The following TAFA5 variants were observed in gnomAD, a reference collection of about 807,000 sequenced individuals.
TAFA5 encodes the protein TAFA chemokine like family member 5.
A neutral mutation model predicts 15.3 loss-of-function variants in TAFA5; 6 were observed. That is an observed-to-expected ratio of 0.39 (90% confidence interval 0.21 to 0.77). The LOEUF (loss-of-function observed/expected upper bound fraction) is 0.77. Among genes scored for constraint, TAFA5 ranks in the 30% least tolerant of loss-of-function variants. The probability of loss-of-function intolerance (pLI) is 0.41; values close to 1 mark genes in which losing one functional copy is unlikely to be tolerated. For missense variants in TAFA5, 161 were observed against 193.1 expected (o/e 0.83, Z 0.98); for synonymous variants, 103 against 80.7 (o/e 1.28, Z -1.48).
At chr22:48,575,110 G>C (rs1923716927) in intron 1 of TAFA5, among the ~76,000 whole-genome samples, 1 of 152,082 alleles carries the variant, frequency 6.6e-6, no homozygotes, top group South Asian at 2.1e-4. Context: ...GGCCCGGCTG[G>C]GGCGGTACCT....
intron 1 of TAFA5, among the ~76,000 whole-genome samples, chr22:48,585,315 T>TA: frequency 7.1e-6 from 1 of 140,684 alleles, no homozygotes; most frequent in Non-Finnish European, 1.5e-5. Flanking sequence ...CACATACACA[T>TA]ACAAAATATT....
chr22:48,569,213 C>T (rs1019393388), intron 1 of TAFA5, among the ~76,000 whole-genome samples: 14 of 152,162 alleles, frequency 9.2e-5, no homozygotes, highest in African/African-American at 1.4e-4. Flanking sequence ...GGGCAATCTC[C>T]GGGGAGGACG....
At position 48,492,655 on chromosome 22, in the gene TAFA5, G is replaced by A. The variant is rs181072910; in HGVS notation, c.112+2951G>A. Among the ~76,000 whole-genome samples the A allele has an allele frequency of 1.2e-3, 177 of 152,282 alleles. 1 individual carries two copies. The highest frequency in any genetic ancestry group is 4.1e-3 in the African/African-American group (170 of 41,552). ...TCTCCTCCTGGGGAAGAAGTGCCAG[G>A]AGACGCAAACAGGGGAAAGGGGCCC... On this transcript the variant is annotated intron_variant, in intron 1 of 3. Coordinates refer to ENST00000402357, the MANE Select transcript of TAFA5 (RefSeq NM_001082967.3).
chr22:48,733,571 C>T (rs1400989808), intron 3 of TAFA5, among the ~76,000 whole-genome samples: 2 of 152,226 alleles, frequency 1.3e-5, no homozygotes, highest in Non-Finnish European at 2.9e-5. Context: ...GTGAGGTAAG[C>T]AGGTGCTTCA....
rs1930458549 is a variant in TAFA5, at chr22:48,750,551, GCCC to G, written c.*707_*709del. Reference sequence around the variant, plus strand: ...GGCACACCTGCGGGAGGCAGCGACGGCCCCCACGCAGACGCCGGGAACGCAGGC... The same window carrying G: ...GGCACACCTGCGGGAGGCAGCGACGGCCACGCAGACGCCGGGAACGCAGGC... On this transcript the variant is annotated 3_prime_UTR_variant, in exon 4 of 4. Transcript: ENST00000402357. 4 of 152,480 alleles carry G rather than the reference GCCC, an allele frequency of 2.6e-5. No homozygotes were observed. Among genetic ancestry groups the G allele is most frequent in the African/African-American group, 7.2e-5 (3 of 41,452 alleles). 9.4% of individuals were successfully genotyped at this position (152,480 alleles called of 1,614,324 possible). A position where few individuals can be genotyped will look rare whatever the true frequency, so the allele number is the denominator to read the frequency against.
intron 2 of TAFA5, among the ~76,000 whole-genome samples, chr22:48,695,291 G>A (rs56303050): frequency 0.16 from 23,749 of 152,144 alleles, 2,284 homozygotes; most frequent in Non-Finnish European, 0.22. Context: ...ACTCTTCTGG[G>A]TGAGACACTG....
intron 3 of TAFA5, among the ~76,000 whole-genome samples, chr22:48,740,121 G>A (rs1326884685): frequency 1.3e-5 from 2 of 152,164 alleles, no homozygotes; most frequent in African/African-American, 4.8e-5. Flanking sequence ...TCACGCTGCA[G>A]GCCCCTCTCC....
chr22:48,582,641 A>AAT (rs1924107389), intron 1 of TAFA5, among the ~76,000 whole-genome samples: 1 of 146,372 alleles, frequency 6.8e-6, no homozygotes, highest in South Asian at 2.2e-4. Context: ...CCACACACAA[A>AAT]ATATACCACA....
chr22:48,620,601 A>ACCCATCCTATCCACCCCCCCACCATCC (rs1925767929), intron 1 of TAFA5, among the ~76,000 whole-genome samples: 2 of 16,776 alleles, frequency 1.2e-4, no homozygotes, highest in African/African-American at 2.9e-4. Context: ...CCACCCCCCT[A>ACCCATCCTATCCACCCCCCCACCATCC]CCCATCCTAT....
intron 1 of TAFA5, among the ~76,000 whole-genome samples, chr22:48,593,142 C>T (rs1028372062): frequency 6.6e-6 from 1 of 152,186 alleles, no homozygotes; most frequent in Admixed American, 6.5e-5. Context: ...CGAACAGTGT[C>T]ACCTGGGAGA....
intron 1 of TAFA5, among the ~76,000 whole-genome samples, chr22:48,549,198 T>C (rs736786): frequency 0.093 from 14,135 of 152,318 alleles, 700 homozygotes; most frequent in Admixed American, 0.12. Flanking sequence ...TGATTCTCTT[T>C]AGACAGTCAC....
intron 2 of TAFA5, among the ~76,000 whole-genome samples, chr22:48,665,515 A>G (rs113988187): frequency 7.3e-5 from 11 of 150,582 alleles, no homozygotes; most frequent in African/African-American, 2.7e-4. Context: ...CCAGCCTTAC[A>G]TCACACAGTT....
intron 1 of TAFA5, among the ~76,000 whole-genome samples, chr22:48,574,375 AG>A (rs1185196621): frequency 6.6e-6 from 1 of 152,174 alleles, no homozygotes; most frequent in African/African-American, 2.4e-5. Flanking sequence ...ACCGCGAGCC[AG>A]GTCAGGCAGA....
chr22:48,704,047 G>A (rs1035569339), intron 2 of TAFA5, among the ~76,000 whole-genome samples: 2 of 152,200 alleles, frequency 1.3e-5, no homozygotes, highest in African/African-American at 4.8e-5. Flanking sequence ...CAAGATGAGA[G>A]CAGGAGCCAC....
intron 2 of TAFA5, among the ~76,000 whole-genome samples, chr22:48,675,143 T>C (rs1927932792): frequency 6.6e-6 from 1 of 152,228 alleles, no homozygotes; most frequent in Non-Finnish European, 1.5e-5. Context: ...GGTTTCACCC[T>C]GTTGGCCAGG....
intron 1 of TAFA5, among the ~76,000 whole-genome samples, chr22:48,512,272 A>C (rs133513): frequency 6.6e-6 from 1 of 152,020 alleles, no homozygotes; most frequent in Non-Finnish European, 1.5e-5. Context: ...CAGAAAGGAA[A>C]GGATCATCTT....
In TAFA5 at chr22:48,552,724, C is replaced by T. The variant is rs188587180; in HGVS notation, c.112+63020C>T. On this transcript the variant is annotated intron_variant, in intron 1 of 3. Transcript: ENST00000402357. The surrounding 1 kb of genome is among the most constrained non-coding windows in gnomAD (Gnocchi z 4.1). ...AAGGGTCCGTTTATCATACTGACAA[C>T]TGGAAAAACCTTAAATAAACATTTA... Among the ~76,000 whole-genome samples the T allele has an allele frequency of 2.6e-5, 4 of 152,286 alleles. No homozygotes were observed. Among genetic ancestry groups the T allele is most frequent in the Admixed American group, 2.6e-4 (4 of 15,302 alleles).
At chr22:48,709,821 C>T (rs1929197333) in intron 3 of TAFA5, among the ~76,000 whole-genome samples, 1 of 152,252 alleles carries the variant, frequency 6.6e-6, no homozygotes. Context: ...ATGCAGGCAG[C>T]CCTGCTGAGC....
At chr22:48,639,706 C>T (rs1926604765) in intron 1 of TAFA5, among the ~76,000 whole-genome samples, 1 of 152,200 alleles carries the variant, frequency 6.6e-6, no homozygotes, top group Admixed American at 6.5e-5. Context: ...TACCGCTTGT[C>T]TCCCTGGGTC....
Sources: allele counts gnomAD v4.1 joint callset (sites outside exome capture counted in the v4.1 genomes callset), GRCh38; gene constraint gnomAD v4.1.1; non-coding constraint Gnocchi (gnomAD v3.1); transcripts MANE v1.5; gene names NCBI Gene and HGNC (gene_info 2026-07-23, HGNC 2026-07-21).